BABAM2: variants seen among roughly 807,000 people sequenced by gnomAD.
The protein encoded by BABAM2 is BRISC and BRCA1-A complex member 2.
A neutral mutation model predicts 54.7 loss-of-function variants in BABAM2; 31 were observed. The ratio of observed to expected loss-of-function variants is 0.57; its 90% CI spans 0.43 to 0.77. The LOEUF (loss-of-function observed/expected upper bound fraction) is 0.77. BABAM2 is among the 30% of genes least tolerant of loss of function. BABAM2 has a pLI of 0.00. For synonymous variants in BABAM2, 167 were observed against 162.9 expected, an observed-to-expected ratio of 1.03 and a Z score of -0.19; for missense variants, 364 against 455.8, an observed-to-expected ratio of 0.80 and a Z score of 1.83.
chr2:27,968,947 G>C (rs901384973), intron 3 of BABAM2, among the ~76,000 whole-genome samples: 2 of 152,148 alleles, frequency 1.3e-5, no homozygotes, highest in African/African-American at 4.8e-5. Flanking sequence ...GATTTGGGAG[G>C]GGTCAGGGGT....
chr2:28,000,671 T>C (rs1673516779), intron 4 of BABAM2, among the ~76,000 whole-genome samples: 1 of 152,194 alleles, frequency 6.6e-6, no homozygotes, highest in Non-Finnish European at 1.5e-5. Context: ...TTCTACTGCC[T>C]GGAAGATTTG....
intron 11 of BABAM2, among the ~76,000 whole-genome samples, chr2:28,315,664 A>ATTTTTTT (rs568389461): frequency 7.1e-6 from 1 of 140,452 alleles, no homozygotes; most frequent in Non-Finnish European, 1.6e-5. Flanking sequence ...TTTATTTTTT[A>ATTTTTTT]TTTTTTTTTT....
intron 7 of BABAM2, among the ~76,000 whole-genome samples, chr2:28,216,150 A>C (rs1300651909): frequency 6.6e-6 from 1 of 152,244 alleles, no homozygotes; most frequent in Non-Finnish European, 1.5e-5. Flanking sequence ...ATAAGTTAAA[A>C]GCTTTGACTT....
intron 7 of BABAM2, among the ~76,000 whole-genome samples, chr2:28,149,508 C>T (rs1410715251): frequency 6.6e-6 from 1 of 152,216 alleles, no homozygotes; most frequent in Non-Finnish European, 1.5e-5. Flanking sequence ...GCATTGTCAT[C>T]TCTGTTTTCC....
chr2:28,296,458 A>G (rs905994366), intron 10 of BABAM2, among the ~76,000 whole-genome samples: 1 of 152,266 alleles, frequency 6.6e-6, no homozygotes, highest in South Asian at 2.1e-4. Flanking sequence ...AACCCCCTGC[A>G]GCACTGAGTC....
chr2:28,195,138 T>C (rs981391743), intron 7 of BABAM2, among the ~76,000 whole-genome samples: 2 of 152,226 alleles, frequency 1.3e-5, no homozygotes, highest in Non-Finnish European at 2.9e-5. Context: ...AATTAATTTC[T>C]GTTTTCATTT....
rs138758979 is a variant in BABAM2, at chr2:28,334,662, G to A, written c.1089-3788G>A. Among the ~76,000 whole-genome samples the A allele has an allele frequency of 2.4e-4, 37 of 152,322 alleles. 1 individual carries two copies. Among genetic ancestry groups the A allele is most frequent in the East Asian group, 1.9e-3 (10 of 5,184 alleles). On this transcript the variant is annotated intron_variant, in intron 11 of 11. Transcript: ENST00000379624. ...GAAGCGGGGCCACAAGGCTCTCTCC[G>A]GCCGCACTTCCATGTTGCTGGGGAA... is the stretch of plus-strand genomic sequence containing the variant.
At chr2:27,961,966 A>G (rs1222280259) in intron 3 of BABAM2, among the ~76,000 whole-genome samples, 1 of 151,868 alleles carries the variant, frequency 6.6e-6, no homozygotes, top group South Asian at 2.1e-4. Context: ...CTGGGCTCAA[A>G]TGATTATCCT....
At chr2:27,974,916 A>G in intron 3 of BABAM2, among the ~76,000 whole-genome samples, 1 of 152,082 alleles carries the variant, frequency 6.6e-6, no homozygotes, top group East Asian at 1.9e-4. Flanking sequence ...GCATAGGAAA[A>G]TCAATCCTAT....
intron 6 of BABAM2, among the ~76,000 whole-genome samples, chr2:28,106,152 G>T (rs1355365861): frequency 6.6e-6 from 1 of 150,526 alleles, no homozygotes; most frequent in Non-Finnish European, 1.5e-5. Flanking sequence ...ATTGCAATAT[G>T]GTAAAAAAAA....
At chr2:28,010,234 A>G (rs975472566) in intron 4 of BABAM2, among the ~76,000 whole-genome samples, 5 of 152,128 alleles carry the variant, frequency 3.3e-5, no homozygotes, top group Non-Finnish European at 5.9e-5. Context: ...GATGGGGAAC[A>G]TCTCAGATAC....
intron 3 of BABAM2, among the ~76,000 whole-genome samples, chr2:27,959,381 T>C (rs1670308077): frequency 6.6e-6 from 1 of 152,242 alleles, no homozygotes; most frequent in African/African-American, 2.4e-5. Context: ...ATTAAAATAC[T>C]ATTACTGGAT....
At chr2:27,963,451 C>T (rs1320992821) in intron 3 of BABAM2, among the ~76,000 whole-genome samples, 7 of 98,068 alleles carry the variant, frequency 7.1e-5, no homozygotes, top group Non-Finnish European at 9.2e-5. Context: ...GCCTGGGTGA[C>T]AGAGAAAGAC....
chr2:27,920,497 A>G (rs1667272854), intron 2 of BABAM2, among the ~76,000 whole-genome samples: 1 of 152,236 alleles, frequency 6.6e-6, no homozygotes, highest in African/African-American at 2.4e-5. Context: ...AAAGATGAAA[A>G]TGTAGTTAAT....
chr2:28,127,549 A>G (rs1669663516), intron 6 of BABAM2, among the ~76,000 whole-genome samples: 2 of 152,162 alleles, frequency 1.3e-5, no homozygotes, highest in African/African-American at 2.4e-5. Context: ...GAGTTCAACA[A>G]GATTCTTTCC....
intron 11 of BABAM2, among the ~76,000 whole-genome samples, chr2:28,327,029 C>G (rs1046162668): frequency 2.0e-5 from 3 of 152,214 alleles, no homozygotes; most frequent in Non-Finnish European, 4.4e-5. Context: ...ACACTATGCT[C>G]CAGGCTGGGG....
chr2:28,205,546 C>T (rs898056779), intron 7 of BABAM2, among the ~76,000 whole-genome samples: 2 of 151,796 alleles, frequency 1.3e-5, no homozygotes, highest in South Asian at 2.1e-4. Flanking sequence ...CTATTATTAC[C>T]CCTACTTTAC....
intron 5 of BABAM2, among the ~76,000 whole-genome samples, chr2:28,026,987 TA>T (rs1430836466): frequency 1.0e-4 from 12 of 115,518 alleles, no homozygotes; most frequent in African/African-American, 3.8e-4. Flanking sequence ...TAAATATATA[TA>T]AAAATATATA....
chr2:28,141,084 T>C (rs766190750), intron 7 of BABAM2, among the ~76,000 whole-genome samples: 3 of 152,146 alleles, frequency 2.0e-5, no homozygotes, highest in Non-Finnish European at 4.4e-5. Context: ...TGACCTTATC[T>C]AAACCAAATT....
Sources: allele counts gnomAD v4.1 joint callset (sites outside exome capture counted in the v4.1 genomes callset), GRCh38; gene constraint gnomAD v4.1.1; transcripts MANE v1.5; gene names NCBI Gene and HGNC (gene_info 2026-07-23, HGNC 2026-07-21).